RBPJ: variants seen among roughly 807,000 people sequenced by gnomAD.
The protein encoded by RBPJ is recombining binding protein suppressor of hairless.
RBPJ carries 9 observed loss-of-function variants against 67.8 expected under a neutral mutation model. The ratio of observed to expected loss-of-function variants is 0.13; its 90% CI spans 0.08 to 0.23. The LOEUF is 0.23. Ranked by LOEUF, RBPJ falls within the 10% of genes least tolerant of loss-of-function variation. The pLI, the probability that RBPJ is intolerant of heterozygous loss-of-function variation, is 1.00. For synonymous variants in RBPJ, 198 were observed against 203.3 expected (o/e 0.97, Z 0.22); for missense variants, 305 against 595.6 (o/e 0.51, Z 5.08).
chr4:26,372,685 G>A (rs1376637757), intron 1 of RBPJ, among the ~76,000 whole-genome samples: 1 of 152,172 alleles, frequency 6.6e-6, no homozygotes, highest in African/African-American at 2.4e-5. Context: ...AGTTACTGAT[G>A]ATGTGTACTT....
At chr4:26,151,819 C>T in the RBPJ span, among the ~76,000 whole-genome samples, 4 of 152,240 alleles carry the variant, frequency 2.6e-5, no homozygotes, top group East Asian at 7.7e-4. Context: ...GAGGAGCCTT[C>T]TCTTTTTCTT....
At chr4:26,364,057 C>T (rs1728352552) in intron 1 of RBPJ, among the ~76,000 whole-genome samples, 1 of 152,092 alleles carries the variant, frequency 6.6e-6, no homozygotes, top group Non-Finnish European at 1.5e-5. Flanking sequence ...ATTAATGTTA[C>T]ATCAGATTCA....
upstream of RBPJ, among the ~76,000 whole-genome samples, chr4:26,315,184 ATATATATATG>A (rs1389032041): frequency 8.7e-4 from 107 of 123,312 alleles, 4 homozygotes; most frequent in African/African-American, 3.5e-3. Flanking sequence ...ATATATATAT[ATATATATATG>A]TATGTATATA....
At chr4:26,313,072 GCCAC>G (rs1560256655) in intron 1 of RBPJ, among the ~76,000 whole-genome samples, 1 of 152,124 alleles carries the variant, frequency 6.6e-6, no homozygotes, top group Non-Finnish European at 1.5e-5. Flanking sequence ...ACAGGCATAT[GCCAC>G]CATGCCCAGC....
intron 1 of RBPJ, among the ~76,000 whole-genome samples, chr4:26,351,996 C>G (rs1273011839): frequency 6.6e-6 from 1 of 152,098 alleles, no homozygotes; most frequent in Non-Finnish European, 1.5e-5. Flanking sequence ...TTCATACCTA[C>G]TTTGGGATCA....
At chr4:26,269,292 A>G (rs766447270) in intron 1 of RBPJ, among the ~76,000 whole-genome samples, 1 of 151,462 alleles carries the variant, frequency 6.6e-6, no homozygotes, top group Non-Finnish European at 1.5e-5. Flanking sequence ...GTCTCGCTCC[A>G]TCGTCCAGGC....
At chr4:26,327,880 T>C (rs1723802793) in intron 1 of RBPJ, among the ~76,000 whole-genome samples, 2 of 152,098 alleles carry the variant, frequency 1.3e-5, no homozygotes, top group South Asian at 4.1e-4. Flanking sequence ...AACTTTTTTA[T>C]AAGTATGATA....
intron 2 of RBPJ, among the ~76,000 whole-genome samples, chr4:26,405,609 A>G (rs1293209469): frequency 2.0e-5 from 3 of 152,144 alleles, no homozygotes; most frequent in Non-Finnish European, 1.5e-5. Context: ...TTATTTATTT[A>G]ATAATATCCT....
intron 1 of RBPJ, among the ~76,000 whole-genome samples, chr4:26,282,608 C>A (rs1034586178): frequency 6.6e-6 from 1 of 151,930 alleles, no homozygotes; most frequent in Non-Finnish European, 1.5e-5. Context: ...GCAACCTCTA[C>A]CTCCCGGGTT....
chr4:26,259,641 G>A (rs1478475671), intron 1 of RBPJ, among the ~76,000 whole-genome samples: 1 of 152,210 alleles, frequency 6.6e-6, no homozygotes, highest in Non-Finnish European at 1.5e-5. Context: ...GTGCCACTCA[G>A]ACAGTGGAAA....
In RBPJ at chr4:26,424,738, A is replaced by C. The variant is rs755310302; in HGVS notation, c.742A>C (p.Arg248=). 1.9e-6 allele frequency: 3 copies of C among 1,584,168 alleles called. No homozygotes were observed. Among genetic ancestry groups the C allele is most frequent in the East Asian group, 2.2e-5 (1 of 44,710 alleles). ...VCSVTGMALP[R]LIIRKVDKQT... ...CTCAGTTACTGGCATGGCACTCCCA[A>C]GATTGGTATGGCTCTACTTTTGCTT... is the stretch of plus-strand genomic sequence containing the variant. The change falls in exon 7 of 11, where the codon AGA becomes CGA. Residue 248 remains arginine, a synonymous_variant. Transcript: ENST00000355476. This position sits in a 1 kb window ranked among gnomAD's most constrained non-coding sequence, Gnocchi z 5.3.
chr4:26,148,969 C>A, the RBPJ span, among the ~76,000 whole-genome samples: 1 of 152,178 alleles, frequency 6.6e-6, no homozygotes, highest in Admixed American at 6.5e-5. Context: ...TGGTAAGTAG[C>A]AGAAGTGTTT....
chr4:26,348,711 T>C (rs1726450719), intron 1 of RBPJ, among the ~76,000 whole-genome samples: 2 of 152,180 alleles, frequency 1.3e-5, no homozygotes, highest in South Asian at 2.1e-4. Context: ...TTTTTGTTTT[T>C]TTTTGTTTTT....
chr4:26,319,797 C>T (rs1722828762), upstream of RBPJ: 2 of 1,376,976 alleles, frequency 1.5e-6, no homozygotes, highest in East Asian at 4.6e-5. Context: ...TCCAGTTCTC[C>T]GGGTTTTGGG....
At chr4:26,134,478 G>A in the RBPJ span, among the ~76,000 whole-genome samples, 1 of 152,220 alleles carries the variant, frequency 6.6e-6, no homozygotes, top group African/African-American at 2.4e-5. Flanking sequence ...TGAGAGTGGA[G>A]GACTGTCTCA....
the RBPJ span, among the ~76,000 whole-genome samples, chr4:26,117,348 C>T: frequency 1.3e-5 from 2 of 152,214 alleles, no homozygotes; most frequent in Middle Eastern, 3.4e-3. Flanking sequence ...CATTTTACCT[C>T]CTCCTGGGAC....
rs147479076 is a variant in RBPJ at position 26,292,514 on chromosome 4, G to T, written c.-166-69932G>T. 2.3e-3 allele frequency among the ~76,000 whole-genome samples: 339 copies of T among 150,198 alleles called. 36 individuals carry two copies. In the East Asian group the frequency reaches 0.058, roughly 26 times the overall value. ...CGGCTCACTGCAACCTCTGCCTCCC[G>T]GGTTCAAGCGATTCTCCTGTCTCAG... is the stretch of plus-strand genomic sequence containing the variant. On this transcript the variant is annotated intron_variant, in intron 1 of 4. Coordinates refer to the RBPJ transcript ENST00000512351.
the RBPJ span, among the ~76,000 whole-genome samples, chr4:26,156,492 C>T: frequency 9.2e-5 from 13 of 141,592 alleles, no homozygotes; most frequent in African/African-American, 2.9e-4. Context: ...GATCTCAGCT[C>T]ACTGCAACCT....
intron 2 of RBPJ, among the ~76,000 whole-genome samples, chr4:26,404,172 G>A (rs1427240778): frequency 6.6e-6 from 1 of 151,856 alleles, no homozygotes; most frequent in Non-Finnish European, 1.5e-5. Context: ...CTTTTCATAT[G>A]CTTGTTGGAA....
Sources: gnomAD v4.1 joint callset for allele counts (sites outside exome capture counted in the v4.1 genomes callset) on GRCh38, gnomAD v4.1.1 for gene constraint, Gnocchi (gnomAD v3.1) non-coding constraint, MANE v1.5 for transcripts, NCBI Gene and HGNC (gene_info 2026-07-23, HGNC 2026-07-21) for gene names.